ROBO1: variants seen among roughly 807,000 people sequenced by gnomAD.
ROBO1 encodes roundabout homolog 1.
ROBO1 carries 149 observed loss-of-function variants against 195.9 expected under a neutral mutation model. The ratio of observed to expected loss-of-function variants is 0.76; its 90% CI spans 0.67 to 0.87. The LOEUF (loss-of-function observed/expected upper bound fraction) is 0.87. ROBO1 is among the 40% of genes least tolerant of loss of function. The pLI, the probability that ROBO1 is intolerant of heterozygous loss-of-function variation, is 0.00. For synonymous variants in ROBO1, 816 were observed against 733.2 expected (o/e 1.11, Z -1.82); for missense variants, 1,933 against 2,068.3 (o/e 0.93, Z 1.27).
At chr3:79,699,986 C>G (rs1392277174) in intron 1 of ROBO1, among the ~76,000 whole-genome samples, 2 of 151,660 alleles carry the variant, frequency 1.3e-5, no homozygotes, top group Non-Finnish European at 2.9e-5. Context: ...GTCCTCCTCC[C>G]TCCCTTCTCT....
At chr3:79,371,777 C>T (rs1559852604) in intron 2 of ROBO1, among the ~76,000 whole-genome samples, 1 of 152,134 alleles carries the variant, frequency 6.6e-6, no homozygotes, top group Admixed American at 6.5e-5. Flanking sequence ...GGAGATCTGG[C>T]CTCTAAGGAA....
intron 2 of ROBO1, among the ~76,000 whole-genome samples, chr3:79,577,859 C>T (rs937622273): frequency 4.0e-5 from 6 of 151,716 alleles, no homozygotes; most frequent in African/African-American, 7.3e-5. Context: ...TTGCAGTGAG[C>T]GGAGAGCGCG....
intron 1 of ROBO1, among the ~76,000 whole-genome samples, chr3:79,755,786 A>G (rs1704363250): frequency 6.6e-6 from 1 of 152,202 alleles, no homozygotes; most frequent in Non-Finnish European, 1.5e-5. Flanking sequence ...TCAGAAAGGG[A>G]GCAGATGCTC....
Position 79,337,633 on chromosome 3 carries a change from C to T in ROBO1, c.89-212094G>A, listed in dbSNP as rs189503181. 2.8e-4 allele frequency among the ~76,000 whole-genome samples: 43 copies of T among 152,286 alleles called. No homozygotes were observed. The East Asian group carries it at 7.3e-3, about 26-fold the overall frequency. On this transcript the variant is annotated intron_variant, in intron 2 of 30. Coordinates refer to ENST00000464233, the MANE Select transcript of ROBO1 (RefSeq NM_002941.4). Reference sequence around the variant, plus strand: ...ATAGCAGCAGGAGACTGGACTAATGCAAATACCTTACTCATACTTTCTCAC... The same window carrying T: ...ATAGCAGCAGGAGACTGGACTAATGTAAATACCTTACTCATACTTTCTCAC...
At chr3:79,380,745 T>A (rs1430768720) in intron 2 of ROBO1, among the ~76,000 whole-genome samples, 1 of 152,080 alleles carries the variant, frequency 6.6e-6, no homozygotes, top group Non-Finnish European at 1.5e-5. Context: ...CATTTTCCCA[T>A]CCCTTAAATC....
intron 2 of ROBO1, among the ~76,000 whole-genome samples, chr3:79,442,849 A>AT (rs1559902847): frequency 6.6e-6 from 1 of 152,062 alleles, no homozygotes; most frequent in Non-Finnish European, 1.5e-5. Context: ...TCATAGAAAC[A>AT]TTTTTTCTAA....
chr3:78,782,413 T>C (rs2108488113), intron 4 of ROBO1, among the ~76,000 whole-genome samples: 1 of 152,208 alleles, frequency 6.6e-6, no homozygotes, highest in African/African-American at 2.4e-5. Context: ...GCCAGGCTGG[T>C]CTTGAACTCC....
At chr3:78,682,649 G>A (rs2107803872) in intron 10 of ROBO1, among the ~76,000 whole-genome samples, 1 of 145,882 alleles carries the variant, frequency 6.9e-6, no homozygotes, top group East Asian at 2.0e-4. Context: ...ATTTTTTAAT[G>A]TGACTGTGTA....
chr3:78,942,895 T>TA (rs1280403881), intron 3 of ROBO1, among the ~76,000 whole-genome samples: 1 of 149,888 alleles, frequency 6.7e-6, no homozygotes, highest in African/African-American at 2.5e-5. Context: ...CTGGGCAACA[T>TA]AGTGAGACCC....
At chr3:78,873,768 C>T (rs961287082) in intron 4 of ROBO1, among the ~76,000 whole-genome samples, 4 of 152,034 alleles carry the variant, frequency 2.6e-5, no homozygotes, top group Non-Finnish European at 2.9e-5. Context: ...TTTCTGTGTT[C>T]ATCTGTTTCT....
At chr3:79,544,582 G>A (rs1021096775) in intron 2 of ROBO1, among the ~76,000 whole-genome samples, 1 of 151,940 alleles carries the variant, frequency 6.6e-6, no homozygotes, top group Non-Finnish European at 1.5e-5. Flanking sequence ...ACCTGTGCTG[G>A]AAAATTTTTG....
chr3:79,001,182 A>C (rs1295514594), intron 3 of ROBO1, among the ~76,000 whole-genome samples: 1 of 152,064 alleles, frequency 6.6e-6, no homozygotes, highest in African/African-American at 2.4e-5. Flanking sequence ...GCAGGGCTTA[A>C]AATCTAGATG....
At chr3:79,519,178 TGTG>T (rs1941085874) in intron 2 of ROBO1, among the ~76,000 whole-genome samples, 1 of 152,068 alleles carries the variant, frequency 6.6e-6, no homozygotes, top group South Asian at 2.1e-4. Flanking sequence ...ATGCTATTCT[TGTG>T]GTAGAGGGAA....
intron 2 of ROBO1, among the ~76,000 whole-genome samples, chr3:79,384,045 A>G (rs2106645110): frequency 6.6e-6 from 1 of 152,166 alleles, no homozygotes; most frequent in East Asian, 1.9e-4. Context: ...GGTATATCAC[A>G]TATGCAGTGT....
rs2037754887 is a variant in ROBO1 at position 78,904,147 on chromosome 3, CAATATATAT to C, written c.499+34445_499+34453del. 6.6e-5 allele frequency among the ~76,000 whole-genome samples: 10 copies of C among 151,276 alleles called. No individual in the cohort carries two copies. In the South Asian group the frequency reaches 2.1e-3, roughly 32 times the overall value. On this transcript the variant is annotated intron_variant, in intron 4 of 30. Coordinates refer to ENST00000464233, the MANE Select transcript of ROBO1 (RefSeq NM_002941.4). ...TACAACATATATATACATATATATA[CAATATATAT>C]ACACATATATTCAGTTTTTCAACAA...
At position 78,904,709 on chromosome 3, in the gene ROBO1, T is replaced by TATATATGTATATGTATATATATGC. The variant is rs1182931745; in HGVS notation, c.499+33868_499+33891dup. 2.0e-3 allele frequency among the ~76,000 whole-genome samples: 303 copies of TATATATGTATATGTATATATATGC among 150,152 alleles called. 1 individual carries two copies. Among genetic ancestry groups the TATATATGTATATGTATATATATGC allele is most frequent in the African/African-American group, 6.5e-3 (267 of 41,014 alleles). ...ACGTATACATATGTATATATGTATA[T>TATATATGTATATGTATATATATGC]ATATATGTATATGTATATATATGCA... is the stretch of plus-strand genomic sequence containing the variant. On this transcript the variant is annotated intron_variant, in intron 4 of 30. Transcript: ENST00000464233.
At chr3:79,517,792 A>G (rs898207914) in intron 2 of ROBO1, among the ~76,000 whole-genome samples, 1 of 152,356 alleles carries the variant, frequency 6.6e-6, no homozygotes, top group African/African-American at 2.4e-5. Context: ...AGTTGTAGAC[A>G]TTTTATTACT....
intron 2 of ROBO1, among the ~76,000 whole-genome samples, chr3:79,559,490 G>A (rs1361273979): frequency 6.6e-6 from 1 of 152,168 alleles, no homozygotes; most frequent in Non-Finnish European, 1.5e-5. Context: ...CACCATGTCT[G>A]TAATCTGTAA....
intron 3 of ROBO1, among the ~76,000 whole-genome samples, chr3:79,083,583 C>G (rs1404903504): frequency 1.3e-5 from 2 of 152,136 alleles, no homozygotes; most frequent in African/African-American, 4.8e-5. Flanking sequence ...TAGCAGTATG[C>G]TCAAAATTTT....
Sources: gnomAD v4.1 joint callset for allele counts (sites outside exome capture counted in the v4.1 genomes callset) on GRCh38, gnomAD v4.1.1 for gene constraint, MANE v1.5 for transcripts, NCBI Gene and HGNC (gene_info 2026-07-23, HGNC 2026-07-21) for gene names.